USP21: variants seen among roughly 807,000 people sequenced by gnomAD.
USP21 encodes ubiquitin specific peptidase 21, also known as ubiquitin carboxyl-terminal hydrolase 21.
In USP21, 37 loss-of-function variants were observed where a neutral mutation model predicts 70.8. That is an observed-to-expected ratio of 0.52 (90% CI 0.40 to 0.69). The LOEUF (loss-of-function observed/expected upper bound fraction) is 0.69, where lower values mean the gene tolerates loss of function less well. USP21 is among the 30% of genes least tolerant of loss of function. USP21 has a pLI of 0.00. For missense variants in USP21, 584 were observed against 740.8 expected, an observed-to-expected ratio of 0.79 and a Z score of 2.46; for synonymous variants, 263 against 283.1, an observed-to-expected ratio of 0.93 and a Z score of 0.71.
rs767469808 is a variant in USP21 at position 161,161,219 on chromosome 1, T to G, written c.579T>G (p.Pro193=). The G allele has an allele frequency of 6.2e-7, 1 of 1,603,458 alleles. No individual in the cohort carries two copies. The highest frequency in any genetic ancestry group is 1.1e-5 in the South Asian group (1 of 90,602). Residue 193 remains proline (P), a synonymous_variant, in exon 3 of 14, where the codon CCT becomes CCG. Transcript: ENST00000368002. This position sits in a 1 kb window ranked among gnomAD's most constrained non-coding sequence, Gnocchi z 4.2. The part of the protein sequence containing the change: ...FHMISARSSE[P]FYSDDKMAHH... ...TGATATCCGCCCGGTCCTCTGAGCC[T>G]TTCTACTCTGATGACAAGATGGTGA...
chr1:161,160,938 T>C lies in USP21; in HGVS notation c.298T>C (p.Leu100=), dbSNP rs1657872395. 1 of 1,614,084 alleles carries C rather than the reference T, an allele frequency of 6.2e-7. No individual in the cohort carries two copies. Among genetic ancestry groups the C allele is most frequent in the African/African-American group, 1.3e-5 (1 of 74,940 alleles). Residue 100 remains leucine, a synonymous_variant, in exon 3 of 14, where the codon TTG becomes CTG. Coordinates refer to ENST00000368002, the MANE Select transcript of USP21 (RefSeq NM_001014443.3). ...TGGCTCACCACCCCCAACAGTGGCT[T>C]TGCCTCTCCCATCTCGGACCAACTT... The part of the protein sequence containing the change: ...LPGSPPPTVA[L]PLPSRTNLAR...
At chr1:161,163,420 T>A in intron 7 of USP21, 135 bp from the exon 8 acceptor site, 1 of 809,904 alleles carries the variant, frequency 1.2e-6, no homozygotes, top group Non-Finnish European at 2.0e-6. Flanking sequence ...TCTTTTGACT[T>A]TTCCTTGAAA....
Position 161,161,059 on chromosome 1 carries a change from G to C in USP21, c.419G>C (p.Ser140Thr). The change falls in exon 3 of 14, where the codon AGC becomes ACC. Residue 140 changes from serine (S) to threonine (T), a missense_variant. This residue lies in a region of USP21 where 284 missense variants were observed against 281.0 expected (regional missense o/e 1.01). Coordinates refer to ENST00000368002, the MANE Select transcript of USP21 (RefSeq NM_001014443.3). This position sits in a 1 kb window ranked among gnomAD's most constrained non-coding sequence, Gnocchi z 4.2. ...ACCGGAGAGCTTGGGGCTGCACTGA[G>C]CCGCTTGGCCCTCCGGCCTGAGCCA... The part of the protein sequence containing the change: ...RGTGELGAAL[S>T]RLALRPEPPT... 1 of 1,614,254 alleles carries C rather than the reference G, an allele frequency of 6.2e-7. No homozygotes were observed. Among genetic ancestry groups the C allele is most frequent in the Non-Finnish European group, 8.5e-7 (1 of 1,180,042 alleles).
chr1:161,163,868 T>A lies in USP21; in HGVS notation c.1115-10T>A. 6.2e-7 allele frequency: 1 copy of A among 1,612,164 alleles called. No homozygotes were observed. The highest frequency in any genetic ancestry group is 8.5e-7 in the Non-Finnish European group (1 of 1,178,176). On this transcript the variant is annotated splice_polypyrimidine_tract_variant and intron_variant, in intron 8 of 13. Coordinates refer to ENST00000368002, the MANE Select transcript of USP21 (RefSeq NM_001014443.3). The stretch of plus-strand genomic sequence containing the variant: ...ATGACCTTTTCTCCTGTCCCTGTGC[T>A]TCTGTCTAGACCTGTTTGTGGGCCA...
rs780164675 is a variant in USP21, at chr1:161,161,679, G to T, written c.601-359G>T. 3 of 427,120 alleles carry T rather than the reference G, an allele frequency of 7.0e-6. No individual in the cohort carries two copies. The highest frequency in any genetic ancestry group is 8.6e-6 in the Non-Finnish European group (2 of 233,670). 26.5% of individuals were successfully genotyped at this position (427,120 alleles called of 1,614,324 possible). The stretch of plus-strand genomic sequence containing the variant: ...AGCCAGCAGGAGAAGGGCAAGAAGG[G>T]GCCACGGGGGCAGGAGGGGGTTTTG... On this transcript the variant is annotated intron_variant, in intron 3 of 13. Transcript: ENST00000368002. This position sits in a 1 kb window ranked among gnomAD's most constrained non-coding sequence, Gnocchi z 4.2.
Position 161,164,293 on chromosome 1 carries a change from T to TG in USP21, c.1305+49dup. 2.6e-6 allele frequency: 4 copies of TG among 1,563,608 alleles called. No homozygotes were observed. The highest frequency in any genetic ancestry group is 3.5e-6 in the Non-Finnish European group (4 of 1,134,230). ...AGGGATACAGTAAGGGTGGGAGACC[T>TG]GGGGGGACTCCATGTGGATAAAAGG... On this transcript the variant is annotated intron_variant, in intron 10 of 13. Transcript: ENST00000368002. This position sits in a 1 kb window ranked among gnomAD's most constrained non-coding sequence, Gnocchi z 4.2.
In USP21 at chr1:161,164,068, G is replaced by C; in HGVS notation, c.1218+87G>C. 1 of 1,583,072 alleles carries C rather than the reference G, an allele frequency of 6.3e-7. No homozygotes were observed. The highest frequency in any genetic ancestry group is 8.7e-7 in the Non-Finnish European group (1 of 1,152,434). On this transcript the variant is annotated intron_variant, in intron 9 of 13. Coordinates refer to ENST00000368002, the MANE Select transcript of USP21 (RefSeq NM_001014443.3). This position sits in a 1 kb window ranked among gnomAD's most constrained non-coding sequence, Gnocchi z 4.2. ...CCCCCAGAGTGTGGGCGGGAACCCT[G>C]TGGGTTTCTGGAGCAGAACTGAAGC...
Position 161,164,518 on chromosome 1 carries a change from T to G in USP21, c.1306-16T>G, listed in dbSNP as rs1658328170. 1.9e-6 allele frequency: 3 copies of G among 1,614,096 alleles called. No homozygotes were observed. The African/African-American group carries it at 4.0e-5, about 22-fold the overall frequency. Reference sequence around the variant, plus strand: ...TTAGGAGCATATTAACCTAACACTGTTTGCCATTTATTCAGGTGTGTGACC... The same window carrying G: ...TTAGGAGCATATTAACCTAACACTGGTTGCCATTTATTCAGGTGTGTGACC... On this transcript the variant is annotated splice_polypyrimidine_tract_variant and intron_variant, in intron 10 of 13. Transcript: ENST00000368002. This position sits in a 1 kb window ranked among gnomAD's most constrained non-coding sequence, Gnocchi z 4.2.
chr1:161,163,410 T>A, intron 7 of USP21, 145 bp from the exon 8 acceptor site: 8 of 751,736 alleles, frequency 1.1e-5, no homozygotes, highest in South Asian at 1.0e-4. Flanking sequence ...GAGGCATTAT[T>A]CTTTTGACTT....
Position 161,164,001 on chromosome 1 carries a change from C to T in USP21, c.1218+20C>T, listed in dbSNP as rs550061800. ...CCCAAGGTGGGATTCCAGAGGATTC[C>T]GGGGTGGACAGGACAGGGGCTCTGT... On this transcript the variant is annotated intron_variant, in intron 9 of 13. Coordinates refer to ENST00000368002, the MANE Select transcript of USP21 (RefSeq NM_001014443.3). The surrounding 1 kb of genome is among the most constrained non-coding windows in gnomAD (Gnocchi z 4.2). The T allele has an allele frequency of 3.9e-5, 63 of 1,611,526 alleles. No homozygotes were observed. Among genetic ancestry groups the T allele is most frequent in the Non-Finnish European group, 4.9e-5 (58 of 1,177,832 alleles).
rs768269159 is a variant in USP21, at chr1:161,162,383, C to T, written c.774C>T (p.Leu258=). 8.7e-6 allele frequency: 14 copies of T among 1,606,484 alleles called. No individual in the cohort carries two copies. In the Admixed American group the frequency reaches 1.7e-4, roughly 20 times the overall value. Residue 258 remains leucine, a synonymous_variant, in exon 5 of 14, where the codon CTC becomes CTT. Transcript: ENST00000368002. The surrounding 1 kb of genome is among the most constrained non-coding windows in gnomAD (Gnocchi z 4.1). ...EVPGGGRAQE[L]TEAFADVIGA... ...CTGGAGGAGGCCGAGCCCAAGAGCT[C>T]ACTGAAGGTGGGGCAACAACTCCTG...
intron 13 of USP21, 77 bp from the exon 14 acceptor site, chr1:161,165,280 T>G: frequency 6.8e-7 from 1 of 1,474,504 alleles, no homozygotes. Flanking sequence ...TCCTGGATGC[T>G]CTGAGGTTCG....
In USP21 at chr1:161,162,543, C is replaced by A; in HGVS notation, c.782-72C>A. 6.6e-7 allele frequency: 1 copy of A among 1,526,370 alleles called. No individual in the cohort carries two copies. The highest frequency in any genetic ancestry group is 9.1e-7 in the Non-Finnish European group (1 of 1,102,636). The allele number at this position is 1,526,370 out of a possible 1,614,324, so 94.6% of individuals were successfully genotyped here. On this transcript the variant is annotated intron_variant, in intron 5 of 13. Transcript: ENST00000368002. This position sits in a 1 kb window ranked among gnomAD's most constrained non-coding sequence, Gnocchi z 4.1. ...ACTTTCCTAAAGGTTATTTTCTACC[C>A]TCTGAGCCACCTTTTGCTTGCCTCT... is the stretch of plus-strand genomic sequence containing the variant.
Position 161,161,526 on chromosome 1 carries a change from A to T in USP21, c.600+286A>T. The T allele has an allele frequency of 2.2e-6, 1 of 445,620 alleles. No homozygotes were observed. Among genetic ancestry groups the T allele is most frequent in the Non-Finnish European group, 4.0e-6 (1 of 249,148 alleles). 27.6% of individuals were successfully genotyped at this position (445,620 alleles called of 1,614,324 possible). A position where few individuals can be genotyped will look rare whatever the true frequency, so the allele number is the denominator to read the frequency against. On this transcript the variant is annotated intron_variant, in intron 3 of 13. Transcript: ENST00000368002. The surrounding 1 kb of genome is among the most constrained non-coding windows in gnomAD (Gnocchi z 4.2). Reference sequence around the variant, plus strand: ...CAGGCCCTTCCTTTCCCTTGCTTGCACCTTCTCTACTGGGACTCTGCCTAG... The same window carrying T: ...CAGGCCCTTCCTTTCCCTTGCTTGCTCCTTCTCTACTGGGACTCTGCCTAG...
rs184244832 is a variant in USP21 at position 161,164,782 on chromosome 1, A to T, written c.1385-53A>T. On this transcript the variant is annotated intron_variant, in intron 11 of 13. Transcript: ENST00000368002. This position sits in a 1 kb window ranked among gnomAD's most constrained non-coding sequence, Gnocchi z 4.2. Reference sequence around the variant, plus strand: ...GAGAGGACAGCTTTCAGGATAGAAGAAGTTCCCCTCAGAGGCCCACTGCCT... The same window carrying T: ...GAGAGGACAGCTTTCAGGATAGAAGTAGTTCCCCTCAGAGGCCCACTGCCT... 5.5e-3 allele frequency: 8,747 copies of T among 1,598,074 alleles called. 36 individuals are homozygous for T. Among genetic ancestry groups the T allele is most frequent in the Non-Finnish European group, 5.8e-3 (6,782 of 1,170,294 alleles).
At position 161,164,048 on chromosome 1, in the gene USP21, A is replaced by C; in HGVS notation, c.1218+67A>C. ...CTGTGACCCAAGCCTACCCACCCCCAGAGTGTGGGCGGGAACCCTGTGGGT... is the reference window on the plus strand; with the variant it reads ...CTGTGACCCAAGCCTACCCACCCCCCGAGTGTGGGCGGGAACCCTGTGGGT... On this transcript the variant is annotated intron_variant, in intron 9 of 13. Transcript: ENST00000368002. This position sits in a 1 kb window ranked among gnomAD's most constrained non-coding sequence, Gnocchi z 4.2. The C allele has an allele frequency of 6.3e-7, 1 of 1,584,508 alleles. No individual in the cohort carries two copies. The highest frequency in any genetic ancestry group is 8.7e-7 in the Non-Finnish European group (1 of 1,153,392).
chr1:161,165,025 G>A lies in USP21; in HGVS notation c.1493-4G>A, dbSNP rs767419556. Reference sequence around the variant, plus strand: ...ATAGAACTTGATCATCTCCAACCCCGCAGGAAGTCCTGTATACCAGCTGTA... The same window carrying A: ...ATAGAACTTGATCATCTCCAACCCCACAGGAAGTCCTGTATACCAGCTGTA... On this transcript the variant is annotated splice_polypyrimidine_tract_variant and splice_region_variant and intron_variant, in intron 12 of 13. Transcript: ENST00000368002. 45 of 1,613,844 alleles carry A rather than the reference G, an allele frequency of 2.8e-5. No individual in the cohort carries two copies. The highest frequency in any genetic ancestry group is 4.5e-5 in the East Asian group (2 of 44,874).
In USP21 at chr1:161,162,169, G is replaced by C; in HGVS notation, c.660+72G>C. The C allele has an allele frequency of 6.2e-7, 1 of 1,612,574 alleles. No homozygotes were observed. The highest frequency in any genetic ancestry group is 1.1e-5 in the South Asian group (1 of 91,030). Reference sequence around the variant, plus strand: ...GGTGCTGGGGGTGGGGAAAACCCACGAGCTTGGGGAAGGCATGTGGAAGGA... The same window carrying C: ...GGTGCTGGGGGTGGGGAAAACCCACCAGCTTGGGGAAGGCATGTGGAAGGA... On this transcript the variant is annotated intron_variant, in intron 4 of 13. Transcript: ENST00000368002. The surrounding 1 kb of genome is among the most constrained non-coding windows in gnomAD (Gnocchi z 4.1).
At position 161,162,046 on chromosome 1, in the gene USP21, C is replaced by T; in HGVS notation, c.609C>T (p.His203=). ...GTACTCTGACCTTCCAGGCTCATCA[C>T]ACACTCCTTCTGGGCTCTGGTCATG... The part of the protein sequence containing the change: ...PFYSDDKMAH[H]TLLLGSGHVG... Residue 203 remains histidine (H), a synonymous_variant, in exon 4 of 14, where the codon CAC becomes CAT. Coordinates refer to ENST00000368002, the MANE Select transcript of USP21 (RefSeq NM_001014443.3). The surrounding 1 kb of genome is among the most constrained non-coding windows in gnomAD (Gnocchi z 4.1). 1 of 1,614,164 alleles carries T rather than the reference C, an allele frequency of 6.2e-7. No homozygotes were observed. Among genetic ancestry groups the T allele is most frequent in the Non-Finnish European group, 8.5e-7 (1 of 1,180,030 alleles).
Sources: gnomAD v4.1 joint callset for allele counts on GRCh38, gnomAD v4.1.1 for gene constraint, gnomAD v4.1.1 regional missense constraint, Gnocchi (gnomAD v3.1) non-coding constraint, MANE v1.5 for transcripts, NCBI Gene and HGNC (gene_info 2026-07-23, HGNC 2026-07-21) for gene names.